The following ARHGAP32 variants were observed in gnomAD, a reference collection of about 807,000 sequenced individuals.
ARHGAP32 encodes the protein Rho GTPase activating protein 32.
A neutral mutation model predicts 186.5 loss-of-function variants in ARHGAP32; 51 were observed. The observed-to-expected ratio is 0.27, with a 90% CI of 0.22 to 0.35. The LOEUF is 0.35. Among genes scored for constraint, ARHGAP32 ranks in the 10% least tolerant of loss-of-function variants. The pLI is 1.00. For synonymous variants in ARHGAP32, 950 were observed against 964.3 expected (o/e 0.99, Z 0.27); for missense variants, 2,186 against 2,623.5 (o/e 0.83, Z 3.64).
intron 11 of ARHGAP32, among the ~76,000 whole-genome samples, chr11:129,002,622 A>G (rs1946392693): frequency 6.6e-6 from 1 of 152,052 alleles, no homozygotes. Context: ...AACTTCCAAT[A>G]CTATGTTAAA....
In ARHGAP32 at chr11:128,972,837, A is replaced by C; in HGVS notation, c.3669T>G (p.Ser1223Arg). 1 of 1,614,046 alleles carries C rather than the reference A, an allele frequency of 6.2e-7. No homozygotes were observed. The highest frequency in any genetic ancestry group is 8.5e-7 in the Non-Finnish European group (1 of 1,180,014). ...DQDQSPPRFY[S>R]GDQPPSYLGA... ...CAAGATAAGAAGGAGGCTGATCTCC[A>C]CTGTAGAAACGGGGTGGAGACTGGT... is the stretch of plus-strand genomic sequence containing the variant. Residue 1223 changes from serine to arginine, a missense_variant, in exon 22 of 23, where the codon AGT becomes AGG. Physicochemically the swap from Ser to Arg is moderately radical, Grantham distance 110 (BLOSUM62 -1). Coordinates refer to ENST00000682385, the MANE Select transcript of ARHGAP32 (RefSeq NM_001378024.1).
upstream of ARHGAP32, among the ~76,000 whole-genome samples, chr11:129,193,241 G>A (rs747613846): frequency 9.3e-5 from 13 of 139,668 alleles, no homozygotes; most frequent in Middle Eastern, 3.9e-3. Flanking sequence ...AGAGGCTGAG[G>A]TGGATGCATC....
chr11:128,968,899 C>A lies in ARHGAP32; in HGVS notation c.*8G>T. ...CAGAGGCTGCTTCAACTCTATTGCT[C>A]GCAGGGCTCATTCTGCATGGATCTG... On this transcript the variant is annotated 3_prime_UTR_variant, in exon 23 of 23. Transcript: ENST00000682385. 1 of 1,480,182 alleles carries A rather than the reference C, an allele frequency of 6.8e-7. No homozygotes were observed. The highest frequency in any genetic ancestry group is 9.0e-7 in the Non-Finnish European group (1 of 1,110,562). The allele number at this position is 1,480,182 out of a possible 1,614,324, so 91.7% of individuals were successfully genotyped here. A position where few individuals can be genotyped will look rare whatever the true frequency, so the allele number is the denominator to read the frequency against.
At chr11:129,138,318 AC>A (rs63322760) in intron 2 of ARHGAP32, among the ~76,000 whole-genome samples, 2,698 of 105,476 alleles carry the variant, frequency 0.026, 36 homozygotes, top group Non-Finnish European at 0.04. Context: ...AAAAAAAAGA[AC>A]AATGCCGTCT....
At chr11:129,237,268 T>A (rs1944949185) in intron 1 of ARHGAP32, among the ~76,000 whole-genome samples, 1 of 152,210 alleles carries the variant, frequency 6.6e-6, no homozygotes, top group African/African-American at 2.4e-5. Context: ...TCAAAATAAA[T>A]GTTGATGTGA....
At chr11:129,033,775 G>C (rs1374773944) in intron 11 of ARHGAP32, among the ~76,000 whole-genome samples, 1 of 152,090 alleles carries the variant, frequency 6.6e-6, no homozygotes, top group Admixed American at 6.5e-5. Context: ...TAAGGATCAG[G>C]CTTCTCTTTT....
intron 12 of ARHGAP32, among the ~76,000 whole-genome samples, chr11:128,991,597 G>C (rs571472157): frequency 1.2e-4 from 19 of 152,136 alleles, no homozygotes; most frequent in African/African-American, 4.1e-4. Flanking sequence ...TAACAAACCA[G>C]CCAAATGCAC....
chr11:129,184,080 C>G (rs1412569760), intron 1 of ARHGAP32, among the ~76,000 whole-genome samples: 2 of 151,960 alleles, frequency 1.3e-5, no homozygotes, highest in Non-Finnish European at 2.9e-5. Context: ...AAGAGAAAAA[C>G]AGAAGTTCAA....
At chr11:129,054,362 C>G (rs757585377) in intron 10 of ARHGAP32, among the ~76,000 whole-genome samples, 42 of 152,070 alleles carry the variant, frequency 2.8e-4, no homozygotes, top group Non-Finnish European at 5.3e-4. Context: ...ATAAACAGTG[C>G]GAGCCTACAT....
At chr11:129,100,646 G>A (rs1397996789) in intron 5 of ARHGAP32, among the ~76,000 whole-genome samples, 3 of 152,128 alleles carry the variant, frequency 2.0e-5, no homozygotes, top group Admixed American at 6.5e-5. Flanking sequence ...GGCAGAGCCA[G>A]CCAACCCCAA....
At chr11:129,159,208 G>C (rs1348082075) in intron 2 of ARHGAP32, among the ~76,000 whole-genome samples, 5 of 151,950 alleles carry the variant, frequency 3.3e-5, no homozygotes, top group Non-Finnish European at 5.9e-5. Flanking sequence ...CTAAGGAGCA[G>C]AACTGAAGGA....
intron 1 of ARHGAP32, among the ~76,000 whole-genome samples, chr11:129,250,793 T>C (rs1240703928): frequency 2.6e-5 from 4 of 152,194 alleles, no homozygotes; most frequent in African/African-American, 4.8e-5. Flanking sequence ...TTTCATTCAA[T>C]TGAAAGAGTT....
At chr11:128,980,796 T>C (rs1218535244) in intron 17 of ARHGAP32, 48 bp from the exon 18 acceptor site, 13 of 1,395,666 alleles carry the variant, frequency 9.3e-6, no homozygotes, top group Non-Finnish European at 1.3e-5. Flanking sequence ...TACGTGAGTG[T>C]ATTCAATTTG....
chr11:129,052,228 T>C (rs1940081074), intron 10 of ARHGAP32, among the ~76,000 whole-genome samples: 1 of 152,204 alleles, frequency 6.6e-6, no homozygotes, highest in African/African-American at 2.4e-5. Flanking sequence ...ACTGTATGTA[T>C]GTATTTCAGG....
upstream of ARHGAP32, chr11:129,279,447 T>G (rs1300004699): frequency 6.3e-5 from 9 of 142,646 alleles, no homozygotes; most frequent in Non-Finnish European, 1.2e-4. Flanking sequence ...CGCGGCGGAG[T>G]CGGCCCCCGG....
upstream of ARHGAP32, among the ~76,000 whole-genome samples, chr11:129,193,493 A>AT (rs1245586487): frequency 9.1e-5 from 9 of 98,586 alleles, no homozygotes; most frequent in African/African-American, 2.8e-4. Context: ...AAAAAAAAAA[A>AT]AAAAAAATAT....
intron 1 of ARHGAP32, among the ~76,000 whole-genome samples, chr11:129,273,478 A>C (rs770005271): frequency 6.6e-6 from 1 of 152,226 alleles, no homozygotes; most frequent in Non-Finnish European, 1.5e-5. Flanking sequence ...TTACTTGTCC[A>C]AAGTCACAAG....
chr11:129,192,228 C>A lies in ARHGAP32; in HGVS notation c.-30G>T, dbSNP rs1473503871. 1 of 1,510,496 alleles carries A rather than the reference C, an allele frequency of 6.6e-7. No individual in the cohort carries two copies. Among genetic ancestry groups the A allele is most frequent in the African/African-American group, 1.4e-5 (1 of 72,692 alleles). 93.6% of individuals were successfully genotyped at this position (1,510,496 alleles called of 1,614,324 possible). ...TACTTAAAAAACAAAAAAAACTAAACCTCCAGGCATGGAATAAAAAGCACC... is the reference window on the plus strand; with the variant it reads ...TACTTAAAAAACAAAAAAAACTAAAACTCCAGGCATGGAATAAAAAGCACC... On this transcript the variant is annotated 5_prime_UTR_variant, in exon 1 of 23. Transcript: ENST00000682385.
intron 1 of ARHGAP32, among the ~76,000 whole-genome samples, chr11:129,216,260 G>T (rs1944643728): frequency 6.6e-6 from 1 of 152,050 alleles, no homozygotes; most frequent in South Asian, 2.1e-4. Context: ...ATATTTGACA[G>T]GCCACTATTC....
Sources: allele counts gnomAD v4.1 joint callset (sites outside exome capture counted in the v4.1 genomes callset), GRCh38; gene constraint gnomAD v4.1.1; transcripts MANE v1.5; gene names NCBI Gene and HGNC (gene_info 2026-07-23, HGNC 2026-07-21).